Variants in EPS8L3 observed in about 807,000 individuals in gnomAD.
EPS8L3 encodes epidermal growth factor receptor kinase substrate 8-like protein 3.
EPS8L3 carries 80 observed loss-of-function variants against 88.5 expected under a neutral mutation model. The ratio of observed to expected loss-of-function variants is 0.90; its 90% CI spans 0.75 to 1.09. The LOEUF is 1.09. Among genes scored for constraint, EPS8L3 ranks in the 50% least tolerant of loss-of-function variants. The pLI is 0.00. For missense variants in EPS8L3, 721 were observed against 735.2 expected (o/e 0.98, Z 0.22); for synonymous variants, 286 against 291.0 (o/e 0.98, Z 0.18).
Position 109,761,320 on chromosome 1 carries a change from T to G in EPS8L3, c.96+175A>C, listed in dbSNP as rs918349650. 6.5e-6 allele frequency: 4 copies of G among 619,160 alleles called. No homozygotes were observed. The Admixed American group carries it at 1.1e-4, about 17-fold the overall frequency. The allele number at this position is 619,160 out of a possible 1,614,324, so 38.4% of individuals were successfully genotyped here. A position where few individuals can be genotyped will look rare whatever the true frequency, so the allele number is the denominator to read the frequency against. The stretch of plus-strand genomic sequence containing the variant: ...GACCACCCCTCCCCGTCCCTGACAC[T>G]GAGCAGATGCTCTGGCAGGCTTGTT... On this transcript the variant is annotated intron_variant, in intron 3 of 18. Transcript: ENST00000361965.
At chr1:109,751,547 C>A in intron 16 of EPS8L3, 107 bp downstream of exon 16, 2 of 1,528,748 alleles carry the variant, frequency 1.3e-6, no homozygotes, top group South Asian at 1.2e-5. Flanking sequence ...TGCAATAATA[C>A]GGTCCGAATC....
rs147193004 is a variant in EPS8L3 at position 109,760,472 on chromosome 1, G to A, written c.97-636C>T. Among the ~76,000 whole-genome samples, 263 of 152,192 alleles carry A rather than the reference G, an allele frequency of 1.7e-3. 1 individual carries two copies. The highest frequency in any genetic ancestry group is 5.7e-3 in the African/African-American group (238 of 41,536). On this transcript the variant is annotated intron_variant, in intron 3 of 18. Transcript: ENST00000361965. ...TTCCACCCAGGCTTCTTGTGGTAGG[G>A]AGATGCAGCCTGCCTCCTGCCCTTT...
chr1:109,751,460 T>C lies in EPS8L3; in HGVS notation c.1564-109A>G. The C allele has an allele frequency of 2.2e-6, 3 of 1,361,346 alleles. No homozygotes were observed. The East Asian group carries it at 7.0e-5, about 32-fold the overall frequency. The allele number at this position is 1,361,346 out of a possible 1,614,324, so 84.3% of individuals were successfully genotyped here. On this transcript the variant is annotated intron_variant, in intron 16 of 18. Coordinates refer to ENST00000361965, the MANE Select transcript of EPS8L3 (RefSeq NM_133181.4). Reference sequence around the variant, plus strand: ...GTTCCCATCAAATCACTTCTCTTACTCTGTGGCTTTCTGGTCTGGCAGGGA... The same window carrying C: ...GTTCCCATCAAATCACTTCTCTTACCCTGTGGCTTTCTGGTCTGGCAGGGA...
Position 109,758,019 on chromosome 1 carries a change from T to TGTGTTCATGG in EPS8L3, c.756_757insCCATGAACAC (p.Met253ProfsTer2), listed in dbSNP as rs1557995972. The TGTGTTCATGG allele has an allele frequency of 6.2e-7, 1 of 1,614,078 alleles. No homozygotes were observed. Among genetic ancestry groups the TGTGTTCATGG allele is most frequent in the Non-Finnish European group, 8.5e-7 (1 of 1,180,036 alleles). On this transcript the variant is annotated stop_gained and frameshift_variant, in exon 9 of 19. Transcript: ENST00000361965. LOFTEE classifies it high-confidence loss of function. ...GCCTGGGCCTTCTCCAGCTTTCCCA[T>TGTGTTCATGG]GAACAGCTCAATGTCCCTTAGGACA...
chr1:109,761,295 G>T, intron 3 of EPS8L3, 200 bp downstream of exon 3: 1 of 585,362 alleles, frequency 1.7e-6, no homozygotes, highest in Non-Finnish European at 3.1e-6. Flanking sequence ...TGTTCAATCT[G>T]ACCACCCCTC....
In EPS8L3 at chr1:109,751,272, A is replaced by G. The variant is rs1279186960; in HGVS notation, c.1637+6T>C. Reference sequence around the variant, plus strand: ...CCCTCCATATCCTGTAGGGCCAGGCACTCACGCAGTGGAGAAGTTCTCTGC... The same window carrying G: ...CCCTCCATATCCTGTAGGGCCAGGCGCTCACGCAGTGGAGAAGTTCTCTGC... On this transcript the variant is annotated splice_donor_region_variant and intron_variant, in intron 17 of 18. Transcript: ENST00000361965. 1.2e-6 allele frequency: 2 copies of G among 1,613,376 alleles called. No homozygotes were observed. Among genetic ancestry groups the G allele is most frequent in the Non-Finnish European group, 1.7e-6 (2 of 1,179,656 alleles).
At chr1:109,751,402 C>T (rs1266012110) in intron 16 of EPS8L3, 51 bp from the exon 17 acceptor site, 1 of 1,567,750 alleles carries the variant, frequency 6.4e-7, no homozygotes, top group South Asian at 1.1e-5. Context: ...TCACAGCCAA[C>T]CACAGCCCCT....
rs555887557 is a variant in EPS8L3, at chr1:109,758,560, G to A, written c.565C>T (p.Pro189Ser). ...EQARYLEPGIPPEQPHQRTLE... is the reference protein window; with the variant it reads ...EQARYLEPGISPEQPHQRTLE... The stretch of plus-strand genomic sequence containing the variant: ...GTCCTCTGGTGGGGCTGTTCTGGAG[G>A]GATCCCCGGCTCCAGATAGCGTGCC... The change falls in exon 7 of 19, where the codon CCT becomes TCT. Residue 189 changes from proline to serine, a missense_variant. Transcript: ENST00000361965. 1.2e-6 allele frequency: 2 copies of A among 1,612,684 alleles called. No homozygotes were observed. The highest frequency in any genetic ancestry group is 2.7e-5 in the African/African-American group (2 of 75,018).
chr1:109,758,372 A>G lies in EPS8L3; in HGVS notation c.661T>C (p.Phe221Leu), dbSNP rs372641662. ...RHTSAREPSA[F>L]TLPPPRRSSS... Reference sequence around the variant, plus strand: ...GACCGCCTTGGAGGAGGCAGAGTAAAGGCACTTGGTTCTCGGGCACTGGTG... The same window carrying G: ...GACCGCCTTGGAGGAGGCAGAGTAAGGGCACTTGGTTCTCGGGCACTGGTG... Residue 221 changes from phenylalanine to leucine, a missense_variant, in exon 8 of 19, where the codon TTT becomes CTT. Coordinates refer to ENST00000361965, the MANE Select transcript of EPS8L3 (RefSeq NM_133181.4). 46 of 1,613,240 alleles carry G rather than the reference A, an allele frequency of 2.9e-5. No individual in the cohort carries two copies. The African/African-American group carries it at 5.5e-4, about 19-fold the overall frequency.
intron 1 of EPS8L3, among the ~76,000 whole-genome samples, chr1:109,762,493 T>C (rs1018542131): frequency 1.3e-5 from 2 of 152,132 alleles, no homozygotes; most frequent in Non-Finnish European, 2.9e-5. Flanking sequence ...CAGGGTACCC[T>C]CCTAATGCTG....
intron 11 of EPS8L3, 140 bp from the exon 12 acceptor site, chr1:109,757,305 C>A (rs185509432): frequency 1.7e-6 from 2 of 1,170,296 alleles, no homozygotes; most frequent in Non-Finnish European, 2.4e-6. Context: ...CTGCCTTGGG[C>A]CTGCTGCTCC....
chr1:109,757,941 C>T lies in EPS8L3; in HGVS notation c.832+3G>A. ...CTCCTCTTCCCTGGCCCTCAGTACT[C>T]ACCTCCCTGGTCCTTGTTTTTTTTC... On this transcript the variant is annotated splice_donor_region_variant and intron_variant, in intron 9 of 18. Coordinates refer to ENST00000361965, the MANE Select transcript of EPS8L3 (RefSeq NM_133181.4). 2 of 1,614,126 alleles carry T rather than the reference C, an allele frequency of 1.2e-6. No individual in the cohort carries two copies. Among genetic ancestry groups the T allele is most frequent in the Non-Finnish European group, 1.7e-6 (2 of 1,179,938 alleles).
In EPS8L3 at chr1:109,750,249, C is replaced by T. The variant is rs1649656332; in HGVS notation, c.*142G>A. The T allele has an allele frequency of 1.4e-5, 14 of 998,712 alleles. No homozygotes were observed. In the South Asian group the frequency reaches 1.8e-4, roughly 13 times the overall value. 61.9% of individuals were successfully genotyped at this position (998,712 alleles called of 1,614,324 possible). ...GTTTGCTTCAGCCTCTGGGCCTGTC[C>T]ATTGTTTTTGCTGTGTGAGCTGGGG... On this transcript the variant is annotated 3_prime_UTR_variant, in exon 19 of 19. Transcript: ENST00000361965.
intron 11 of EPS8L3, 46 bp downstream of exon 11, chr1:109,757,435 G>GA (rs542880778): frequency 5.1e-5 from 79 of 1,557,014 alleles, no homozygotes; most frequent in Non-Finnish European, 6.7e-5. Flanking sequence ...ACTCCTTCTT[G>GA]ACTTCAGCCT....
intron 16 of EPS8L3, 147 bp downstream of exon 16, chr1:109,751,507 G>T: frequency 7.3e-7 from 1 of 1,371,886 alleles, no homozygotes; most frequent in Middle Eastern, 1.8e-4. Flanking sequence ...TCTCTGCTCT[G>T]GCCCCATGAT....
rs1242687341 is a variant in EPS8L3, at chr1:109,759,531, T to C, written c.256-144A>G. The C allele has an allele frequency of 2.0e-6, 3 of 1,487,886 alleles. No homozygotes were observed. The Admixed American group carries it at 6.3e-5, about 31-fold the overall frequency. The allele number at this position is 1,487,886 out of a possible 1,614,324, so 92.2% of individuals were successfully genotyped here. On this transcript the variant is annotated intron_variant, in intron 4 of 18. Transcript: ENST00000361965. This position sits in a 1 kb window ranked among gnomAD's most constrained non-coding sequence, Gnocchi z 4.2. Reference sequence around the variant, plus strand: ...CTCTTGTGCCTCTGTCCCCAGCCTCTGTCCCCTGTCTCTTCCTAGGCTTGG... The same window carrying C: ...CTCTTGTGCCTCTGTCCCCAGCCTCCGTCCCCTGTCTCTTCCTAGGCTTGG...
In EPS8L3 at chr1:109,759,594, G is replaced by A. The variant is rs559755827; in HGVS notation, c.255+84C>T. The A allele has an allele frequency of 6.5e-5, 99 of 1,533,858 alleles. No individual in the cohort carries two copies. In the African/African-American group the frequency reaches 1.0e-3, roughly 16 times the overall value. ...TGTGGGGAGAGTGGCTGCCCTTTGG[G>A]GCATGGAGGGTGGAGTTCAAGAGCT... On this transcript the variant is annotated intron_variant, in intron 4 of 18. Coordinates refer to ENST00000361965, the MANE Select transcript of EPS8L3 (RefSeq NM_133181.4). This position sits in a 1 kb window ranked among gnomAD's most constrained non-coding sequence, Gnocchi z 4.2.
chr1:109,759,331 G>T lies in EPS8L3; in HGVS notation c.312C>A (p.Asn104Lys), dbSNP rs1479210291. The T allele has an allele frequency of 3.7e-6, 6 of 1,614,052 alleles. No individual in the cohort carries two copies. The highest frequency in any genetic ancestry group is 1.6e-4 in the Middle Eastern group (1 of 6,084). Residue 104 changes from asparagine (N) to lysine (K), a missense_variant, in exon 5 of 19, where the codon AAC becomes AAA. By Grantham distance (94) the Asn-to-Lys change is moderately conservative. Coordinates refer to ENST00000361965, the MANE Select transcript of EPS8L3 (RefSeq NM_133181.4). The surrounding 1 kb of genome is among the most constrained non-coding windows in gnomAD (Gnocchi z 4.2). Reference protein sequence around the residue: ...DSIQAMNVALNTCSYNSILSI... With the variant: ...DSIQAMNVALKTCSYNSILSI... Reference sequence around the variant, plus strand: ...ACAGGATGGAGTTGTAGGAACATGTGTTGAGCGCCACATTCATGGCCTGGA... The same window carrying T: ...ACAGGATGGAGTTGTAGGAACATGTTTTGAGCGCCACATTCATGGCCTGGA...
chr1:109,758,196 T>A, intron 8 of EPS8L3, 120 bp downstream of exon 8: 1 of 1,296,560 alleles, frequency 7.7e-7, no homozygotes, highest in Non-Finnish European at 1.1e-6. Context: ...CTCTCTGGCC[T>A]CCTGGCCCAG....
Sources: allele counts gnomAD v4.1 joint callset (sites outside exome capture counted in the v4.1 genomes callset), GRCh38; gene constraint gnomAD v4.1.1; non-coding constraint Gnocchi (gnomAD v3.1); transcripts MANE v1.5; gene names NCBI Gene and HGNC (gene_info 2026-07-23, HGNC 2026-07-21).